The following AK9 variants were observed in gnomAD, a reference collection of about 807,000 sequenced individuals.
AK9 encodes adenylate kinase 9.
A neutral mutation model predicts 239.6 loss-of-function variants in AK9; 191 were observed. The observed-to-expected ratio is 0.80, with a 90% CI of 0.71 to 0.90. The LOEUF (loss-of-function observed/expected upper bound fraction) is 0.90, where lower values mean the gene tolerates loss of function less well. Among genes scored for constraint, AK9 ranks in the 40% least tolerant of loss-of-function variants. AK9 has a pLI of 0.00. For synonymous variants in AK9, 689 were observed against 721.0 expected, an observed-to-expected ratio of 0.96 and a Z score of 0.71; for missense variants, 1,995 against 2,214.7, an observed-to-expected ratio of 0.90 and a Z score of 1.99.
At chr6:109,669,445 G>T (rs1349618418) in intron 5 of AK9, among the ~76,000 whole-genome samples, 1 of 152,054 alleles carries the variant, frequency 6.6e-6, no homozygotes, top group African/African-American at 2.4e-5. Context: ...AGTGGTGAGA[G>T]AGGGCATCCC....
chr6:109,497,833 C>T lies in AK9; in HGVS notation c.5179G>A (p.Gly1727Ser), dbSNP rs751607519. The T allele has an allele frequency of 1.9e-6, 3 of 1,613,790 alleles. No individual in the cohort carries two copies. Among genetic ancestry groups the T allele is most frequent in the East Asian group, 2.2e-5 (1 of 44,890 alleles). ...SRFPKCAELQ[G>S]YCPVTYKDGN... ...TCCTTATAGGTCACTGGACAGTAGCCCTGGAGCTCCGCACACTTAGGGAAT... is the reference window on the plus strand; with the variant it reads ...TCCTTATAGGTCACTGGACAGTAGCTCTGGAGCTCCGCACACTTAGGGAAT... The change falls in exon 37 of 41, where the codon GGC (glycine) becomes AGC (serine). Residue 1727 changes from glycine (G) to serine (S), a missense_variant. Physicochemically the swap from Gly to Ser is moderately conservative, Grantham distance 56. Around this residue, in one of 5 missense-constraint regions of AK9, gnomAD observed 391 missense variants for 456.0 expected, o/e 0.86. Transcript: ENST00000424296.
intron 7 of AK9, 61 bp from the exon 8 acceptor site, chr6:109,656,945 C>T: frequency 6.3e-7 from 1 of 1,577,754 alleles, no homozygotes; most frequent in Non-Finnish European, 8.7e-7. Flanking sequence ...ATTTACAAGC[C>T]ATATTCCCCA....
intron 12 of AK9, among the ~76,000 whole-genome samples, chr6:109,621,913 C>A (rs12206753): frequency 0.11 from 7,676 of 67,140 alleles, 216 homozygotes; most frequent in African/African-American, 0.16. Context: ...AAAAAAAAAA[C>A]AAAAAAAAAA....
At chr6:109,565,607 C>T (rs59845721) in intron 21 of AK9, among the ~76,000 whole-genome samples, 168 of 152,214 alleles carry the variant, frequency 1.1e-3, no homozygotes, top group African/African-American at 3.9e-3. Context: ...ACTAATTTCA[C>T]GGTTGAAGAT....
rs552018997 is a variant in AK9 at position 109,659,405 on chromosome 6, G to A, written c.453C>T (p.Asp151=). The part of the protein sequence containing the change: ...PDVIINIKCP[D]YDLCQRISGQ... ...CAGAAATTCTCTGGCACAAATCATA[G>A]TCAGGACACTAAGAAACAACATTAT... Residue 151 remains aspartate, a synonymous_variant, in exon 7 of 41, where the codon GAC becomes GAT. Transcript: ENST00000424296. 8.1e-6 allele frequency: 13 copies of A among 1,603,172 alleles called. No homozygotes were observed. In the African/African-American group the frequency reaches 1.6e-4, roughly 20 times the overall value.
chr6:109,493,335 C>A lies in AK9; in HGVS notation c.*34G>T, dbSNP rs948791415. The stretch of plus-strand genomic sequence containing the variant: ...GTTTCCCTCTATCACTTTCAGATAA[C>A]TCTTGAGATTCAGGCTGCTATCACC... On this transcript the variant is annotated 3_prime_UTR_variant, in exon 41 of 41. Transcript: ENST00000424296. 6.3e-7 allele frequency: 1 copy of A among 1,586,262 alleles called. No individual in the cohort carries two copies. Among genetic ancestry groups the A allele is most frequent in the Non-Finnish European group, 8.6e-7 (1 of 1,157,516 alleles).
chr6:109,544,514 A>T (rs947138897), intron 26 of AK9, among the ~76,000 whole-genome samples: 3 of 152,102 alleles, frequency 2.0e-5, no homozygotes, highest in Admixed American at 1.3e-4. Context: ...CATGAGATCC[A>T]GTGGTTTAAA....
intron 8 of AK9, among the ~76,000 whole-genome samples, chr6:109,650,234 T>C (rs927960651): frequency 7.3e-5 from 11 of 151,224 alleles, no homozygotes; most frequent in Non-Finnish European, 1.3e-4. Context: ...AATTGACAAA[T>C]GGAATCTAAT....
intron 21 of AK9, among the ~76,000 whole-genome samples, chr6:109,571,934 C>T (rs1045152055): frequency 4.6e-5 from 7 of 152,134 alleles, no homozygotes; most frequent in African/African-American, 1.4e-4. Context: ...ATAAGAATCA[C>T]TGGGGTGTTC....
chr6:109,564,276 T>C lies in AK9; in HGVS notation c.2439A>G (p.Val813=), dbSNP rs7753224. ...AAGAGTCTTCTGGAAACTCAGGTAG[T>C]ACAACTTTGGAGTAAAAGACAAAGG... is the stretch of plus-strand genomic sequence containing the variant. ...LEIEKLSETV[V]LPEFPEDSYP... The change falls in exon 23 of 41, where the codon GTA becomes GTG. Residue 813 remains valine, a synonymous_variant. Transcript: ENST00000424296. 0.01 allele frequency: 15,615 copies of C among 1,545,030 alleles called. 594 individuals are homozygous for C. The African/African-American group carries it at 0.11, about 11-fold the overall frequency.
intron 17 of AK9, among the ~76,000 whole-genome samples, chr6:109,594,643 G>T (rs1790763088): frequency 6.6e-6 from 1 of 152,092 alleles, no homozygotes; most frequent in Non-Finnish European, 1.5e-5. Context: ...AAACAAAATG[G>T]TACTGGTACC....
At chr6:109,546,488 A>C (rs1783584585) in intron 25 of AK9, among the ~76,000 whole-genome samples, 1 of 152,266 alleles carries the variant, frequency 6.6e-6, no homozygotes, top group Non-Finnish European at 1.5e-5. Context: ...CAGAAAGCCC[A>C]CTAATAATAA....
intron 17 of AK9, among the ~76,000 whole-genome samples, chr6:109,607,864 A>G (rs1281402069): frequency 6.6e-6 from 1 of 151,802 alleles, no homozygotes; most frequent in East Asian, 1.9e-4. Flanking sequence ...ATAATAGCTA[A>G]GATAATCTTA....
chr6:109,656,114 C>T (rs1799669428), intron 8 of AK9, among the ~76,000 whole-genome samples: 1 of 152,152 alleles, frequency 6.6e-6, no homozygotes, highest in Non-Finnish European at 1.5e-5. Flanking sequence ...GCTAAATGCG[C>T]AAGTTCAATA....
chr6:109,541,695 C>T (rs1360691423), intron 27 of AK9, among the ~76,000 whole-genome samples: 1 of 152,236 alleles, frequency 6.6e-6, no homozygotes, highest in African/African-American at 2.4e-5. Context: ...CAGGCATGAG[C>T]CACTGCACCC....
rs772566649 is a variant in AK9 at position 109,579,520 on chromosome 6, ACATCATCAGT to A, written c.2191+20_2191+29del. ...TTGCTTGCAGTAACAATACCATGACACATCATCAGTCATAGCAATCTGTGCTTGCCTTTTG... is the reference window on the plus strand; with the variant it reads ...TTGCTTGCAGTAACAATACCATGACACATAGCAATCTGTGCTTGCCTTTTG... On this transcript the variant is annotated intron_variant, in intron 20 of 40. Coordinates refer to ENST00000424296, the MANE Select transcript of AK9 (RefSeq NM_001145128.3). 6.5e-7 allele frequency: 1 copy of A among 1,529,152 alleles called. No homozygotes were observed. 94.7% of individuals were successfully genotyped at this position (1,529,152 alleles called of 1,614,324 possible).
chr6:109,548,709 A>T (rs1446769668), intron 25 of AK9, among the ~76,000 whole-genome samples: 1 of 152,180 alleles, frequency 6.6e-6, no homozygotes, highest in East Asian at 1.9e-4. Flanking sequence ...AAAAGTTTCT[A>T]CTCTATGATT....
At chr6:109,639,119 C>T (rs1324759648) in intron 10 of AK9, among the ~76,000 whole-genome samples, 1 of 152,198 alleles carries the variant, frequency 6.6e-6, no homozygotes, top group Non-Finnish European at 1.5e-5. Context: ...CATAGGCGTG[C>T]ATGTGTCCTT....
intron 17 of AK9, among the ~76,000 whole-genome samples, chr6:109,605,105 A>G (rs942258277): frequency 1.3e-5 from 2 of 152,144 alleles, no homozygotes; most frequent in African/African-American, 4.8e-5. Context: ...ATTATGTTTC[A>G]AGGCATTGTA....
Sources: gnomAD v4.1 joint callset for allele counts (sites outside exome capture counted in the v4.1 genomes callset) on GRCh38, gnomAD v4.1.1 for gene constraint, gnomAD v4.1.1 regional missense constraint, MANE v1.5 for transcripts, NCBI Gene and HGNC (gene_info 2026-07-23, HGNC 2026-07-21) for gene names.